The following SASH1 variants were observed in gnomAD, a reference collection of about 807,000 sequenced individuals.
The protein encoded by SASH1 is SAM and SH3 domain containing 1, also known as SAM and SH3 domain-containing protein 1.
SASH1 carries 44 observed loss-of-function variants against 125.2 expected under a neutral mutation model. The observed-to-expected ratio is 0.35, with a 90% confidence interval of 0.28 to 0.45. SASH1 has a LOEUF of 0.45. Ranked by LOEUF, SASH1 falls within the 20% of genes least tolerant of loss-of-function variation. The probability of loss-of-function intolerance (pLI) is 1.00; values close to 1 mark genes in which losing one functional copy is unlikely to be tolerated. For missense variants in SASH1, 1,426 were observed against 1,614.5 expected, an observed-to-expected ratio of 0.88 and a Z score of 2.00; for synonymous variants, 639 against 649.1, an observed-to-expected ratio of 0.98 and a Z score of 0.24.
chr6:148,290,896 AAAG>A (rs1208889623), intron 1 of SASH1, among the ~76,000 whole-genome samples: 21 of 151,332 alleles, frequency 1.4e-4, no homozygotes, highest in Admixed American at 9.9e-4. Flanking sequence ...AAAAAAAAAA[AAAG>A]AAAGAGAAAA....
Position 148,433,406 on chromosome 6 carries a change from CTTTTTTT to C in SASH1, c.286-6766_286-6760del, listed in dbSNP as rs5880780. 1.8e-3 allele frequency among the ~76,000 whole-genome samples: 230 copies of C among 128,014 alleles called. 1 individual carries two copies. The highest frequency in any genetic ancestry group is 5.9e-3 in the African/African-American group (199 of 34,000). 84.0% of individuals were successfully genotyped at this position (128,014 alleles called of 152,430 possible). ...GTATTAATACTTTTGTTTCTTTTTT[CTTTTTTT>C]TTTTTTTTTTTGAGACGGAGTCTCT... On this transcript the variant is annotated intron_variant, in intron 2 of 19. Transcript: ENST00000367467.
chr6:148,207,760 C>T, the SASH1 span, among the ~76,000 whole-genome samples: 4 of 152,160 alleles, frequency 2.6e-5, no homozygotes, highest in Admixed American at 6.6e-5. Flanking sequence ...CTCTTTGTCC[C>T]TTTTAAAACA....
At chr6:148,267,504 G>A (rs964730118), upstream of SASH1, among the ~76,000 whole-genome samples, 1 of 151,818 alleles carries the variant, frequency 6.6e-6, no homozygotes, top group Non-Finnish European at 1.5e-5. Context: ...TCAGCCTCCC[G>A]AGTAGCTGGG....
intron 4 of SASH1, among the ~76,000 whole-genome samples, chr6:148,447,738 T>TTCCTCC (rs1224288128): frequency 8.0e-6 from 1 of 125,136 alleles, no homozygotes; most frequent in Non-Finnish European, 1.8e-5. Context: ...CCTCCTCCTC[T>TTCCTCC]TCCTCCTCCT....
chr6:148,262,567 C>T, the SASH1 span, among the ~76,000 whole-genome samples: 1 of 152,240 alleles, frequency 6.6e-6, no homozygotes, highest in East Asian at 1.9e-4. Context: ...AGATAGATCC[C>T]AGGGAGCAAG....
intron 1 of SASH1, among the ~76,000 whole-genome samples, chr6:148,381,277 G>A (rs1783120441): frequency 6.6e-6 from 1 of 152,182 alleles, no homozygotes; most frequent in African/African-American, 2.4e-5. Flanking sequence ...TCATGCATAA[G>A]ATTTTGGTAA....
chr6:148,228,326 AT>A, the SASH1 span, among the ~76,000 whole-genome samples: 2 of 152,236 alleles, frequency 1.3e-5, no homozygotes, highest in African/African-American at 4.8e-5. Flanking sequence ...TCTAATACTT[AT>A]TAAGCACCCT....
At chr6:148,254,909 G>A in the SASH1 span, among the ~76,000 whole-genome samples, 1 of 152,202 alleles carries the variant, frequency 6.6e-6, no homozygotes, top group East Asian at 1.9e-4. Flanking sequence ...GTGCATGAAT[G>A]TTCATAGTAA....
chr6:148,527,614 A>G lies in SASH1; in HGVS notation c.1428+18A>G. 2 of 1,589,292 alleles carry G rather than the reference A, an allele frequency of 1.3e-6. No individual in the cohort carries two copies. The highest frequency in any genetic ancestry group is 4.6e-5 in the East Asian group (2 of 43,680). On this transcript the variant is annotated intron_variant, in intron 12 of 19. Coordinates refer to ENST00000367467, the MANE Select transcript of SASH1 (RefSeq NM_015278.5). Reference sequence around the variant, plus strand: ...CTGAGCAGGTATGCAGCTACCTGGTAGAATGTTCCCTTGGTTCTTCCTGAC... The same window carrying G: ...CTGAGCAGGTATGCAGCTACCTGGTGGAATGTTCCCTTGGTTCTTCCTGAC...
At chr6:148,446,381 G>T (rs192428268) in intron 4 of SASH1, among the ~76,000 whole-genome samples, 478 of 152,194 alleles carry the variant, frequency 3.1e-3, no homozygotes, top group African/African-American at 4.5e-3. Flanking sequence ...GTGCTGGGAT[G>T]ACAGGCGTGA....
chr6:148,513,074 G>C (rs1232417432), intron 8 of SASH1: 1 of 985,298 alleles, frequency 1.0e-6, no homozygotes, highest in Non-Finnish European at 1.2e-6. Flanking sequence ...ATAATGCATA[G>C]AAACTCTACT....
At chr6:148,452,698 T>C (rs1777158300) in intron 4 of SASH1, among the ~76,000 whole-genome samples, 1 of 111,292 alleles carries the variant, frequency 9.0e-6, no homozygotes, top group Admixed American at 8.9e-5. Context: ...ATTCTGCTGT[T>C]CCCTCCCCTC....
At chr6:148,481,875 T>C (rs1583230164) in intron 7 of SASH1, among the ~76,000 whole-genome samples, 3 of 152,282 alleles carry the variant, frequency 2.0e-5, no homozygotes, top group South Asian at 4.2e-4. Context: ...GTTAGAAAAA[T>C]GGCACTGATA....
intron 1 of SASH1, among the ~76,000 whole-genome samples, chr6:148,382,384 G>T (rs1322135009): frequency 6.6e-6 from 1 of 152,098 alleles, no homozygotes; most frequent in Non-Finnish European, 1.5e-5. Context: ...CCGCCTCCTG[G>T]GTTCAAGTGA....
chr6:148,369,966 C>CAAAAAAAAA (rs562924566), intron 1 of SASH1, among the ~76,000 whole-genome samples: 236 of 93,436 alleles, frequency 2.5e-3, no homozygotes, highest in East Asian at 4.2e-3. Flanking sequence ...AAAAGAAAAA[C>CAAAAAAAAA]AAAAAAAAAA....
intron 2 of SASH1, among the ~76,000 whole-genome samples, chr6:148,433,586 A>G (rs1342635317): frequency 3.3e-5 from 5 of 151,594 alleles, no homozygotes; most frequent in Non-Finnish European, 7.4e-5. Flanking sequence ...TTGTATTTTC[A>G]GTAGAGACAG....
chr6:148,443,663 T>G (rs925076541), intron 4 of SASH1, among the ~76,000 whole-genome samples: 1 of 151,938 alleles, frequency 6.6e-6, no homozygotes, highest in Admixed American at 6.6e-5. Flanking sequence ...TATTCTTGCA[T>G]TGATGATTAT....
chr6:148,213,166 C>T, the SASH1 span, among the ~76,000 whole-genome samples: 2 of 152,074 alleles, frequency 1.3e-5, no homozygotes, highest in Non-Finnish European at 2.9e-5. Context: ...AAAACTCTAG[C>T]GTCCTTCAGA....
At chr6:148,230,587 A>G in the SASH1 span, among the ~76,000 whole-genome samples, 8 of 152,344 alleles carry the variant, frequency 5.3e-5, no homozygotes, top group South Asian at 1.7e-3. Context: ...ACAGTTTTCC[A>G]AAGTGCACCC....
Sources: gnomAD v4.1 joint callset for allele counts (sites outside exome capture counted in the v4.1 genomes callset) on GRCh38, gnomAD v4.1.1 for gene constraint, MANE v1.5 for transcripts, NCBI Gene and HGNC (gene_info 2026-07-23, HGNC 2026-07-21) for gene names.